The following BCAS3 variants were observed in gnomAD, a reference collection of about 807,000 sequenced individuals.
BCAS3 encodes the protein BCAS4/BCAS3 fusion.
In BCAS3, 53 loss-of-function variants were observed where a neutral mutation model predicts 116.1. The observed-to-expected ratio is 0.46, with a 90% CI of 0.37 to 0.57. The LOEUF (loss-of-function observed/expected upper bound fraction) is 0.57, where lower values mean the gene tolerates loss of function less well. BCAS3 is among the 20% of genes least tolerant of loss of function. BCAS3 has a pLI of 0.00. For synonymous variants in BCAS3, 391 were observed against 408.2 expected, an observed-to-expected ratio of 0.96 and a Z score of 0.51; for missense variants, 917 against 1,165.4, an observed-to-expected ratio of 0.79 and a Z score of 3.10.
chr17:60,963,614 GGC>G (rs879248145), intron 14 of BCAS3, among the ~76,000 whole-genome samples: 2 of 148,526 alleles, frequency 1.3e-5, no homozygotes, highest in Non-Finnish European at 3.0e-5. Context: ...GGAGTGCAGT[GGC>G]GCAATCTCAG....
At chr17:61,207,857 G>A (rs1056695964) in intron 22 of BCAS3, among the ~76,000 whole-genome samples, 1 of 152,132 alleles carries the variant, frequency 6.6e-6, no homozygotes, top group Non-Finnish European at 1.5e-5. Context: ...ATATATTTGT[G>A]TGTTGCTTAG....
intron 14 of BCAS3, among the ~76,000 whole-genome samples, chr17:60,977,929 C>T (rs969626080): frequency 6.9e-6 from 1 of 144,442 alleles, no homozygotes; most frequent in Non-Finnish European, 1.5e-5. Context: ...GGTTCCAAGT[C>T]TTTGCTATTG....
rs138475803 is a variant in BCAS3, at chr17:60,812,651, G to A, written c.476+4575G>A. Among the ~76,000 whole-genome samples, 92 of 152,224 alleles carry A rather than the reference G, an allele frequency of 6.0e-4. 1 individual carries two copies. The East Asian group carries it at 0.016, about 26-fold the overall frequency. On this transcript the variant is annotated intron_variant, in intron 7 of 23. Coordinates refer to ENST00000407086, the MANE Select transcript of BCAS3 (RefSeq NM_017679.5). Reference sequence around the variant, plus strand: ...TAGATAAAGTATACTAGGAACTTGAGTGCTATCAACAATCCATGAGTCAAT... The same window carrying A: ...TAGATAAAGTATACTAGGAACTTGAATGCTATCAACAATCCATGAGTCAAT...
At chr17:61,052,845 G>A (rs1242145163) in intron 19 of BCAS3, among the ~76,000 whole-genome samples, 2 of 151,044 alleles carry the variant, frequency 1.3e-5, no homozygotes, top group Non-Finnish European at 2.9e-5. Context: ...AGCCTCCCAA[G>A]TAGCTGGGAC....
rs902321840 is a variant in BCAS3, at chr17:61,343,005, G to A, written c.2426-25322G>A. Among the ~76,000 whole-genome samples, 1 of 152,086 alleles carries A rather than the reference G, an allele frequency of 6.6e-6. No individual in the cohort carries two copies. Among genetic ancestry groups the A allele is most frequent in the Non-Finnish European group, 1.5e-5 (1 of 68,008 alleles). On this transcript the variant is annotated intron_variant, in intron 22 of 23. Transcript: ENST00000407086. The surrounding 1 kb of genome is among the most constrained non-coding windows in gnomAD (Gnocchi z 5.5). Reference sequence around the variant, plus strand: ...AATCTCAGATGATCCACCCACCTCGGCCTCCCAAAGTGCTGGGATTACAGG... The same window carrying A: ...AATCTCAGATGATCCACCCACCTCGACCTCCCAAAGTGCTGGGATTACAGG...
At chr17:61,125,860 C>G (rs2076021591) in intron 22 of BCAS3, among the ~76,000 whole-genome samples, 1 of 152,154 alleles carries the variant, frequency 6.6e-6, no homozygotes, top group Non-Finnish European at 1.5e-5. Flanking sequence ...TCTTCCCCTC[C>G]TCATGCTAAA....
At chr17:61,192,859 C>T (rs1359490433) in intron 22 of BCAS3, among the ~76,000 whole-genome samples, 1 of 152,120 alleles carries the variant, frequency 6.6e-6, no homozygotes, top group African/African-American at 2.4e-5. Context: ...GGAATGAAAA[C>T]CTCAGACAGT....
Position 61,244,802 on chromosome 17 carries a change from G to C in BCAS3, c.2426-123525G>C, listed in dbSNP as rs2047800926. Among the ~76,000 whole-genome samples, 1 of 152,154 alleles carries C rather than the reference G, an allele frequency of 6.6e-6. No homozygotes were observed. Among genetic ancestry groups the C allele is most frequent in the African/African-American group, 2.4e-5 (1 of 41,434 alleles). On this transcript the variant is annotated intron_variant, in intron 22 of 23. Coordinates refer to ENST00000407086, the MANE Select transcript of BCAS3 (RefSeq NM_017679.5). The surrounding 1 kb of genome is among the most constrained non-coding windows in gnomAD (Gnocchi z 4.9). ...GGCATGAACCCAGGAGGCAGAGCTTGCAGTGAGCCGAGATCGCGCCACTGT... is the reference window on the plus strand; with the variant it reads ...GGCATGAACCCAGGAGGCAGAGCTTCCAGTGAGCCGAGATCGCGCCACTGT...
chr17:61,010,926 T>C (rs914453056), intron 15 of BCAS3, among the ~76,000 whole-genome samples: 5 of 151,994 alleles, frequency 3.3e-5, no homozygotes, highest in African/African-American at 9.7e-5. Flanking sequence ...GATGAGCTTA[T>C]TTTCTCATGA....
At chr17:60,931,020 A>G (rs571017517) in intron 13 of BCAS3, among the ~76,000 whole-genome samples, 1 of 152,298 alleles carries the variant, frequency 6.6e-6, no homozygotes, top group East Asian at 1.9e-4. Context: ...TAGATCTGTG[A>G]AACTTCTAGT....
At chr17:60,954,728 T>C (rs1167490404) in intron 14 of BCAS3, among the ~76,000 whole-genome samples, 1 of 152,204 alleles carries the variant, frequency 6.6e-6, no homozygotes, top group Non-Finnish European at 1.5e-5. Flanking sequence ...CTCATACATA[T>C]AATGCCCAAT....
At chr17:60,895,559 CTG>C (rs1391806846) in intron 10 of BCAS3, among the ~76,000 whole-genome samples, 1 of 151,998 alleles carries the variant, frequency 6.6e-6, no homozygotes, top group Non-Finnish European at 1.5e-5. Context: ...TAGTTCTACT[CTG>C]TTTATTATTT....
At chr17:60,797,396 T>C (rs2047310258) in intron 6 of BCAS3, among the ~76,000 whole-genome samples, 1 of 151,626 alleles carries the variant, frequency 6.6e-6, no homozygotes, top group South Asian at 2.1e-4. Flanking sequence ...TTTTGTGGGG[T>C]GGGAAACAAG....
chr17:60,735,697 AC>A (rs749798704), intron 5 of BCAS3, among the ~76,000 whole-genome samples: 1 of 151,864 alleles, frequency 6.6e-6, no homozygotes, highest in Non-Finnish European at 1.5e-5. Context: ...CAAGCGATCC[AC>A]TCACCTCTAC....
In BCAS3 at chr17:61,313,156, G is replaced by A. The variant is rs2054457585; in HGVS notation, c.2426-55171G>A. On this transcript the variant is annotated intron_variant, in intron 22 of 23. Coordinates refer to ENST00000407086, the MANE Select transcript of BCAS3 (RefSeq NM_017679.5). This position sits in a 1 kb window ranked among gnomAD's most constrained non-coding sequence, Gnocchi z 4.3. ...CATAGTGATGACCAAAACAGTCTTT[G>A]GATTCATGGCAATTACTGCCAGGTA... is the stretch of plus-strand genomic sequence containing the variant. Among the ~76,000 whole-genome samples, 1 of 152,190 alleles carries A rather than the reference G, an allele frequency of 6.6e-6. No individual in the cohort carries two copies. Among genetic ancestry groups the A allele is most frequent in the Non-Finnish European group, 1.5e-5 (1 of 68,036 alleles).
chr17:61,315,924 C>T lies in BCAS3; in HGVS notation c.2426-52403C>T, dbSNP rs1336676686. ...TAAAGTCACCTCTATTGTCCACCTACCTACTTCTCTATCTCACTGAACCTC... is the reference window on the plus strand; with the variant it reads ...TAAAGTCACCTCTATTGTCCACCTATCTACTTCTCTATCTCACTGAACCTC... On this transcript the variant is annotated intron_variant, in intron 22 of 23. Transcript: ENST00000407086. This position sits in a 1 kb window ranked among gnomAD's most constrained non-coding sequence, Gnocchi z 5.3. Among the ~76,000 whole-genome samples, 2 of 152,198 alleles carry T rather than the reference C, an allele frequency of 1.3e-5. No individual in the cohort carries two copies. The highest frequency in any genetic ancestry group is 4.8e-5 in the African/African-American group (2 of 41,440).
intron 22 of BCAS3, among the ~76,000 whole-genome samples, chr17:61,357,484 G>T (rs913782261): frequency 2.0e-5 from 3 of 147,212 alleles, no homozygotes; most frequent in African/African-American, 7.4e-5. Context: ...TTGCTTTGTC[G>T]CCCAGGCTGG....
intron 22 of BCAS3, among the ~76,000 whole-genome samples, chr17:61,230,166 CACACACACATA>C (rs1346230710): frequency 6.6e-6 from 1 of 151,350 alleles, no homozygotes. Flanking sequence ...CACACACACA[CACACACACATA>C]GTGTTGATAT....
At chr17:61,296,434 C>A (rs988857136) in intron 22 of BCAS3, among the ~76,000 whole-genome samples, 8 of 152,278 alleles carry the variant, frequency 5.3e-5, no homozygotes, top group Admixed American at 1.3e-4. Flanking sequence ...TTCAGGTTCT[C>A]TGTGGAGAGG....
Sources: allele counts gnomAD v4.1 joint callset (sites outside exome capture counted in the v4.1 genomes callset), GRCh38; gene constraint gnomAD v4.1.1; non-coding constraint Gnocchi (gnomAD v3.1); transcripts MANE v1.5; gene names NCBI Gene and HGNC (gene_info 2026-07-23, HGNC 2026-07-21).